Variants in NLRC3 observed in about 807,000 individuals in gnomAD.
NLRC3 encodes the protein NLR family CARD domain-containing protein 3.
A neutral mutation model predicts 91.6 loss-of-function variants in NLRC3; 87 were observed. That is an observed-to-expected ratio of 0.95 (90% CI 0.80 to 1.14). NLRC3 has a LOEUF of 1.14. Among genes scored for constraint, NLRC3 ranks in the 50% most tolerant of loss-of-function variants. The pLI is 0.00. For missense variants in NLRC3, 1,577 were observed against 1,418.6 expected (o/e 1.11, Z -1.79); for synonymous variants, 694 against 625.3 (o/e 1.11, Z -1.64).
rs2039831758 is a variant in NLRC3, at chr16:3,565,332, G to GAGGC, written c.-39_-38insGCCT. The GAGGC allele has an allele frequency of 3.1e-6, 2 of 643,704 alleles. No individual in the cohort carries two copies. Among genetic ancestry groups the GAGGC allele is most frequent in the Non-Finnish European group, 5.8e-6 (2 of 347,226 alleles). The allele number at this position is 643,704 out of a possible 1,614,324, so 39.9% of individuals were successfully genotyped here. On this transcript the variant is annotated 5_prime_UTR_variant, in exon 3 of 20. The change creates a premature stop within an existing upstream ORF in the 5' untranslated region. Coordinates refer to ENST00000359128, the MANE Select transcript of NLRC3 (RefSeq NM_178844.4). ...CCTGCCACTTACCAGATAGGTGACT[G>GAGGC]AGGGCAGGCTGAGTCACCTCTCTGC...
chr16:3,549,610 C>A, intron 12 of NLRC3, 87 bp downstream of exon 12: 1 of 1,042,084 alleles, frequency 9.6e-7, no homozygotes, highest in South Asian at 1.4e-5. Flanking sequence ...ATAGATTTCC[C>A]TGAGACAGGC....
intron 1 of NLRC3, among the ~76,000 whole-genome samples, chr16:3,569,864 T>A (rs1420175828): frequency 6.6e-6 from 1 of 152,200 alleles, no homozygotes; most frequent in Non-Finnish European, 1.5e-5. Context: ...TTTCTAGTTT[T>A]CTTCTCCGAT....
At chr16:3,555,923 A>AAAATAAATAAATAAATAAAT (rs61481021) in intron 8 of NLRC3, 3 of 137,538 alleles carry the variant, frequency 2.2e-5, no homozygotes, top group Admixed American at 7.5e-5. Context: ...CACCCTAATA[A>AAAATAAATAAATAAATAAAT]AAATAAATAA....
intron 16 of NLRC3, chr16:3,543,911 T>C (rs1296807811): frequency 2.9e-6 from 1 of 346,004 alleles, no homozygotes; most frequent in Non-Finnish European, 5.4e-6. Flanking sequence ...CCCAGCACTT[T>C]GGGAGGCTGA....
intron 8 of NLRC3, among the ~76,000 whole-genome samples, chr16:3,556,678 T>C (rs1015802980): frequency 6.6e-6 from 1 of 152,118 alleles, no homozygotes; most frequent in Admixed American, 6.6e-5. Context: ...TAATTTTTGT[T>C]TTTTAGTAGA....
In NLRC3 at chr16:3,561,703, T is replaced by C; in HGVS notation, c.2014A>G (p.Ser672Gly). The change falls in exon 6 of 20, where the codon AGC (serine) becomes GGC (glycine). Residue 672 changes from serine to glycine, a missense_variant and splice_region_variant. By Grantham distance (56) the Ser-to-Gly change is moderately conservative (BLOSUM62 0). Coordinates refer to ENST00000359128, the MANE Select transcript of NLRC3 (RefSeq NM_178844.4). ...SGKDCRIQKI[S>G]LAENQISNKG... ...GGAGGTCCCCTGGGTCTGTGTTACC[T>C]GATCTTCTGAATGCGACAGTCCTTC... 1 of 1,609,182 alleles carries C rather than the reference T, an allele frequency of 6.2e-7. No homozygotes were observed. The highest frequency in any genetic ancestry group is 8.5e-7 in the Non-Finnish European group (1 of 1,175,726).
chr16:3,560,316 A>G (rs2039547568), intron 6 of NLRC3, among the ~76,000 whole-genome samples: 1 of 152,044 alleles, frequency 6.6e-6, no homozygotes, highest in Admixed American at 6.5e-5. Flanking sequence ...CCAGCTACTC[A>G]GGAGGCTGAG....
intron 11 of NLRC3, 45 bp downstream of exon 11, chr16:3,550,369 G>T (rs754694157): frequency 1.5e-6 from 2 of 1,363,814 alleles, no homozygotes; most frequent in South Asian, 1.2e-5. Flanking sequence ...CTATCTACTG[G>T]AAAGAGAACC....
chr16:3,572,753 C>T (rs1187734880), intron 1 of NLRC3, among the ~76,000 whole-genome samples: 1 of 152,130 alleles, frequency 6.6e-6, no homozygotes, highest in Non-Finnish European at 1.5e-5. Flanking sequence ...TGACTCACAC[C>T]TGTAATCCTA....
intron 7 of NLRC3, 56 bp downstream of exon 7, chr16:3,557,537 C>G (rs1244426103): frequency 1.8e-6 from 2 of 1,133,256 alleles, no homozygotes; most frequent in African/African-American, 1.5e-5. Context: ...CACAAGATGC[C>G]TCACAACTCT....
intron 2 of NLRC3, among the ~76,000 whole-genome samples, chr16:3,566,905 A>AGG (rs1254315908): frequency 6.6e-6 from 1 of 152,178 alleles, no homozygotes; most frequent in Non-Finnish European, 1.5e-5. Context: ...AAATTGCTTT[A>AGG]CAAGGAAAAG....
At chr16:3,543,218 G>T (rs2038500437) in intron 17 of NLRC3, 2 of 561,512 alleles carry the variant, frequency 3.6e-6, no homozygotes, top group Non-Finnish European at 6.4e-6. Context: ...GTTCAGCCTG[G>T]CAAGGCCAAC....
At chr16:3,557,178 T>G (rs1185250336) in intron 7 of NLRC3, among the ~76,000 whole-genome samples, 184 bp from the exon 8 acceptor site, 1 of 152,234 alleles carries the variant, frequency 6.6e-6, no homozygotes, top group Non-Finnish European at 1.5e-5. Flanking sequence ...TCCCCACGAC[T>G]GTCTCAGGTG....
intron 8 of NLRC3, among the ~76,000 whole-genome samples, chr16:3,556,495 A>G (rs570566911): frequency 6.6e-6 from 1 of 151,962 alleles, no homozygotes; most frequent in Non-Finnish European, 1.5e-5. Flanking sequence ...CCAGTATCCC[A>G]TGCCTGCCAT....
At chr16:3,549,316 A>G (rs2038873046) in intron 12 of NLRC3, 91 bp from the exon 13 acceptor site, 1 of 916,658 alleles carries the variant, frequency 1.1e-6, no homozygotes, top group South Asian at 1.4e-5. Context: ...TTGAAGCCCA[A>G]GAAACTGCAG....
chr16:3,554,949 G>A (rs2039222907), intron 8 of NLRC3, among the ~76,000 whole-genome samples: 1 of 152,162 alleles, frequency 6.6e-6, no homozygotes, highest in South Asian at 2.1e-4. Flanking sequence ...GAGGGAAGAG[G>A]CTGGGTACAG....
intron 8 of NLRC3, among the ~76,000 whole-genome samples, chr16:3,555,327 A>T (rs889689079): frequency 6.6e-6 from 1 of 152,340 alleles, no homozygotes; most frequent in South Asian, 2.1e-4. Context: ...CAATGAGGAA[A>T]GCCGCACACC....
chr16:3,554,665 G>A (rs2039205799), intron 8 of NLRC3, among the ~76,000 whole-genome samples: 1 of 152,216 alleles, frequency 6.6e-6, no homozygotes, highest in Admixed American at 6.5e-5. Flanking sequence ...CACGCTGCTG[G>A]TGGGAATGCA....
At position 3,552,280 on chromosome 16, in the gene NLRC3, CTG is replaced by C. The variant is rs1567132184; in HGVS notation, c.2268-3_2268-2del. The C allele has an allele frequency of 6.2e-7, 1 of 1,611,496 alleles. No individual in the cohort carries two copies. ...GGGCCCGATGCTGTTCTTCTGCAGG[CTG>C]TGGGAGAAAAGAGAGGGGTCCTTTA... On this transcript the variant is annotated splice_acceptor_variant and splice_polypyrimidine_tract_variant and intron_variant, in intron 9 of 19. Transcript: ENST00000359128. LOFTEE classifies it high-confidence loss of function.
Sources: gnomAD v4.1 joint callset for allele counts (sites outside exome capture counted in the v4.1 genomes callset) on GRCh38, gnomAD v4.1.1 for gene constraint, MANE v1.5 for transcripts, NCBI Gene and HGNC (gene_info 2026-07-23, HGNC 2026-07-21) for gene names.